Variants in NUBPL observed in about 807,000 individuals in gnomAD.
NUBPL encodes iron-sulfur cluster transfer protein NUBPL.
Under a neutral mutation model 45.7 loss-of-function variants are expected in NUBPL, and 31 were observed. The ratio of observed to expected loss-of-function variants is 0.68; its 90% confidence interval spans 0.51 to 0.92. The LOEUF (loss-of-function observed/expected upper bound fraction) is 0.92, where lower values mean the gene tolerates loss of function less well. Ranked by LOEUF, NUBPL falls within the 40% of genes least tolerant of loss-of-function variation. NUBPL has a pLI of 0.00. For synonymous variants in NUBPL, 144 were observed against 140.9 expected, an observed-to-expected ratio of 1.02 and a Z score of -0.15; for missense variants, 401 against 398.7, an observed-to-expected ratio of 1.01 and a Z score of -0.05.
At chr14:31,672,602 A>G (rs2036597737) in intron 4 of NUBPL, among the ~76,000 whole-genome samples, 2 of 152,128 alleles carry the variant, frequency 1.3e-5, no homozygotes, top group Admixed American at 6.6e-5. Context: ...AGCTGGGACT[A>G]TAGGCGTGCA....
chr14:31,618,884 G>C (rs1239226598), intron 4 of NUBPL, among the ~76,000 whole-genome samples: 2 of 152,094 alleles, frequency 1.3e-5, no homozygotes, highest in African/African-American at 4.8e-5. Context: ...ATTGACAGTG[G>C]GGTGTTAAAG....
intron 4 of NUBPL, among the ~76,000 whole-genome samples, chr14:31,646,725 T>C (rs2035863984): frequency 2.6e-5 from 4 of 152,162 alleles, no homozygotes; most frequent in African/African-American, 9.7e-5. Flanking sequence ...TGTTCTCTGA[T>C]CTTCCTGAAC....
At chr14:31,591,244 C>T (rs1266593883) in intron 3 of NUBPL, among the ~76,000 whole-genome samples, 1 of 152,166 alleles carries the variant, frequency 6.6e-6, no homozygotes, top group Non-Finnish European at 1.5e-5. Flanking sequence ...CTCACTGCAA[C>T]CTCTGTCTTC....
chr14:31,850,450 G>A (rs188465264), intron 10 of NUBPL, among the ~76,000 whole-genome samples: 101 of 152,224 alleles, frequency 6.6e-4, no homozygotes, highest in Non-Finnish European at 1.1e-3. Context: ...CAAGAAAAGC[G>A]TGAAAAGAGA....
intron 4 of NUBPL, among the ~76,000 whole-genome samples, chr14:31,643,542 T>A (rs2035763764): frequency 6.6e-6 from 1 of 152,216 alleles, no homozygotes; most frequent in Non-Finnish European, 1.5e-5. Context: ...GTTGTTGAAT[T>A]CAGTTCGCTG....
At chr14:31,681,477 T>TG (rs1378812741) in intron 6 of NUBPL, among the ~76,000 whole-genome samples, 1 of 151,234 alleles carries the variant, frequency 6.6e-6, no homozygotes, top group Admixed American at 6.6e-5. Context: ...CTTTACTGGT[T>TG]TTTTTTTTCA....
chr14:31,716,846 T>C (rs1055649696), intron 6 of NUBPL, among the ~76,000 whole-genome samples: 4 of 152,156 alleles, frequency 2.6e-5, no homozygotes, highest in Non-Finnish European at 5.9e-5. Flanking sequence ...CTGCTCAGGC[T>C]AAAATCCTGA....
At chr14:31,606,556 C>T (rs1175991596) in intron 4 of NUBPL, among the ~76,000 whole-genome samples, 2 of 152,068 alleles carry the variant, frequency 1.3e-5, no homozygotes, top group Non-Finnish European at 2.9e-5. Context: ...ATGGAGTTCC[C>T]AAAGGGTGTA....
At chr14:31,812,676 G>T (rs1356366197) in intron 7 of NUBPL, among the ~76,000 whole-genome samples, 1 of 152,176 alleles carries the variant, frequency 6.6e-6, no homozygotes, top group East Asian at 1.9e-4. Flanking sequence ...GATGAACCAG[G>T]TACCTCAGTT....
intron 4 of NUBPL, among the ~76,000 whole-genome samples, chr14:31,628,529 T>C (rs1000673267): frequency 2.0e-5 from 3 of 152,238 alleles, no homozygotes; most frequent in African/African-American, 2.4e-5. Flanking sequence ...CTTGAAAGTT[T>C]TAATTTTGTC....
intron 6 of NUBPL, among the ~76,000 whole-genome samples, chr14:31,784,349 G>A (rs745617461): frequency 2.0e-5 from 3 of 152,052 alleles, no homozygotes; most frequent in Non-Finnish European, 4.4e-5. Flanking sequence ...CAATGTGATA[G>A]TCATGAAGTC....
At chr14:31,640,536 A>G (rs1010517570) in intron 4 of NUBPL, among the ~76,000 whole-genome samples, 4 of 151,032 alleles carry the variant, frequency 2.6e-5, no homozygotes, top group African/African-American at 9.7e-5. Flanking sequence ...AATAACTTGA[A>G]CCTGGGAGGT....
intron 4 of NUBPL, among the ~76,000 whole-genome samples, chr14:31,655,484 G>A (rs532904046): frequency 3.3e-5 from 5 of 152,250 alleles, no homozygotes; most frequent in African/African-American, 7.2e-5. Flanking sequence ...AGGCTGATGC[G>A]GGTGGATTGC....
At chr14:31,564,324 C>A (rs1442474485) in intron 2 of NUBPL, among the ~76,000 whole-genome samples, 1 of 152,004 alleles carries the variant, frequency 6.6e-6, no homozygotes, top group Non-Finnish European at 1.5e-5. Flanking sequence ...GCACAGTAGT[C>A]CAGCCTTTCA....
chr14:31,755,395 C>T (rs1436489958), intron 6 of NUBPL, among the ~76,000 whole-genome samples: 1 of 152,238 alleles, frequency 6.6e-6, no homozygotes, highest in Non-Finnish European at 1.5e-5. Flanking sequence ...ACCATTCTAA[C>T]TGGTGTGAGA....
intron 4 of NUBPL, among the ~76,000 whole-genome samples, chr14:31,646,671 A>G (rs958141007): frequency 6.6e-6 from 1 of 151,738 alleles, no homozygotes; most frequent in Non-Finnish European, 1.5e-5. Context: ...GAGTTTGATT[A>G]TTATATGCCT....
chr14:31,625,537 A>G (rs2053570), intron 4 of NUBPL, among the ~76,000 whole-genome samples: 150,498 of 150,628 alleles, frequency 1, 75,185 homozygotes, highest in Middle Eastern at 1. Context: ...GTGCAATGGC[A>G]TGATCTCTGC....
chr14:31,812,512 G>A (rs2039828452), intron 7 of NUBPL, among the ~76,000 whole-genome samples: 1 of 152,194 alleles, frequency 6.6e-6, no homozygotes, highest in African/African-American at 2.4e-5. Flanking sequence ...TTAGGTGGCA[G>A]TGTCCTGATT....
chr14:31,838,025 T>C (rs1056280440), intron 8 of NUBPL, among the ~76,000 whole-genome samples: 7 of 152,022 alleles, frequency 4.6e-5, no homozygotes, highest in Non-Finnish European at 1.0e-4. Context: ...CCAGGAACCA[T>C]GTAAGGAAGA....
Sources: gnomAD v4.1 joint callset for allele counts (sites outside exome capture counted in the v4.1 genomes callset) on GRCh38, gnomAD v4.1.1 for gene constraint, MANE v1.5 for transcripts, NCBI Gene and HGNC (gene_info 2026-07-23, HGNC 2026-07-21) for gene names.